Variants in AIFM1 observed in about 807,000 individuals in gnomAD.
AIFM1 encodes the protein apoptosis-inducing factor 1, mitochondrial.
Under a neutral mutation model 51.7 loss-of-function variants are expected in AIFM1, and 3 were observed. The ratio of observed to expected loss-of-function variants is 0.06; its 90% CI spans 0.03 to 0.15. The LOEUF is 0.15. Among genes scored for constraint, AIFM1 ranks in the 10% least tolerant of loss-of-function variants. The pLI, the probability that AIFM1 is intolerant of heterozygous loss-of-function variation, is 1.00. For missense variants in AIFM1, 330 were observed against 476.8 expected (o/e 0.69, Z 2.87); for synonymous variants, 178 against 179.4 (o/e 0.99, Z 0.06).
At chrX:130,133,584 C>T in intron 12 of AIFM1, 129 bp from the exon 13 acceptor site, 1 of 885,335 alleles carries the variant, frequency 1.1e-6, no homozygotes, top group East Asian at 3.1e-5. Context: ...CATCTACAGG[C>T]CAGAGTTGTA....
intron 12 of AIFM1, among the ~76,000 whole-genome samples, chrX:130,135,456 A>AC (rs2030296275): frequency 9.4e-6 from 1 of 106,686 alleles, no homozygotes; most frequent in African/African-American, 3.4e-5. Flanking sequence ...AAAAAAAAAA[A>AC]CAAGGTTTGG....
intron 14 of AIFM1, among the ~76,000 whole-genome samples, chrX:130,131,392 C>T (rs1319326927): frequency 8.9e-6 from 1 of 112,458 alleles, no homozygotes; most frequent in Non-Finnish European, 1.9e-5. Flanking sequence ...GAAAGGTCTT[C>T]CCAGAGACAC....
chrX:130,155,083 T>C (rs1273189042), intron 2 of AIFM1: 4 of 1,122,577 alleles, frequency 3.6e-6, no homozygotes, highest in African/African-American at 3.6e-5. Flanking sequence ...TATATTCTAA[T>C]GTATCAAGTT....
chrX:130,143,285 G>C (rs770311718), intron 6 of AIFM1, among the ~76,000 whole-genome samples: 1 of 112,025 alleles, frequency 8.9e-6, no homozygotes, highest in South Asian at 3.7e-4. Context: ...CAACTGCCCA[G>C]AAGACACCTT....
chrX:130,157,897 G>A (rs2031218257), intron 1 of AIFM1, among the ~76,000 whole-genome samples: 1 of 104,507 alleles, frequency 9.6e-6, no homozygotes, highest in African/African-American at 3.5e-5. Flanking sequence ...GGAGGTTGCA[G>A]TGAGCCGAGA....
intron 3 of AIFM1, among the ~76,000 whole-genome samples, chrX:130,149,164 C>T (rs769767167): frequency 2.7e-5 from 3 of 111,062 alleles, no homozygotes; most frequent in South Asian, 7.6e-4. Context: ...TCAGCTGACC[C>T]GCACATCTCG....
At chrX:130,141,749 C>G (rs753006527) in intron 6 of AIFM1, among the ~76,000 whole-genome samples, 2 of 112,072 alleles carry the variant, frequency 1.8e-5, no homozygotes, top group East Asian at 5.6e-4. Flanking sequence ...ACCTTGGAAC[C>G]TGGCTCATAC....
At position 130,147,657 on chromosome X, in the gene AIFM1, C is replaced by G. The variant is rs377230822; in HGVS notation, c.475-34G>C. 4 of 1,210,176 alleles carry G rather than the reference C, an allele frequency of 3.3e-6. No homozygotes were observed. The African/African-American group carries it at 7.0e-5, about 21-fold the overall frequency. On this transcript the variant is annotated intron_variant, in intron 4 of 15. Coordinates refer to ENST00000287295, the MANE Select transcript of AIFM1 (RefSeq NM_004208.4). ...ATAAAAATCATGACGCTTATCAGAG[C>G]CAAGTCATTTAAGGGGCAAATGTCA...
At chrX:130,158,264 C>T (rs747638034) in intron 1 of AIFM1, among the ~76,000 whole-genome samples, 121 of 107,570 alleles carry the variant, frequency 1.1e-3, no homozygotes, top group Non-Finnish European at 1.9e-3. Flanking sequence ...AACTCCATTT[C>T]AAAGAAAAAA....
chrX:130,142,055 C>T (rs2030596434), intron 6 of AIFM1, among the ~76,000 whole-genome samples: 1 of 112,053 alleles, frequency 8.9e-6, no homozygotes, highest in South Asian at 3.7e-4. Context: ...CCACTCTTTA[C>T]TAGCTGAGAC....
intron 9 of AIFM1, among the ~76,000 whole-genome samples, chrX:130,138,247 C>T (rs746271276): frequency 4.5e-5 from 5 of 111,123 alleles, no homozygotes; most frequent in South Asian, 3.8e-4. Context: ...GGGCGGATCA[C>T]CAGGTCAGGA....
intron 2 of AIFM1, among the ~76,000 whole-genome samples, chrX:130,152,212 AT>A (rs764878459): frequency 8.0e-5 from 9 of 112,196 alleles, no homozygotes; most frequent in Non-Finnish European, 1.7e-4. Context: ...AACAGGGGCC[AT>A]GTTCATTGAG....
chrX:130,161,007 T>C (rs1174511303), intron 1 of AIFM1, among the ~76,000 whole-genome samples: 1 of 112,020 alleles, frequency 8.9e-6, no homozygotes, highest in Non-Finnish European at 1.9e-5. Flanking sequence ...ATGAGTAACC[T>C]CAAACACCAT....
chrX:130,146,791 G>A (rs1362314459), intron 5 of AIFM1, among the ~76,000 whole-genome samples: 1 of 111,240 alleles, frequency 9.0e-6, no homozygotes, highest in African/African-American at 3.3e-5. Context: ...AATTCTAAAT[G>A]CCTGCTAGGC....
intron 2 of AIFM1, chrX:130,155,300 T>C: frequency 8.3e-7 from 1 of 1,207,160 alleles, no homozygotes; most frequent in South Asian, 1.8e-5. Flanking sequence ...TAGGTAAAGA[T>C]AAGGCCAAGA....
At chrX:130,155,904 C>T (rs2031146888) in intron 2 of AIFM1, among the ~76,000 whole-genome samples, 2 of 112,127 alleles carry the variant, frequency 1.8e-5, no homozygotes, top group South Asian at 7.4e-4. Flanking sequence ...AATTAAACAC[C>T]ATATTTCTCA....
chrX:130,158,190 G>T (rs1211784939), intron 1 of AIFM1, among the ~76,000 whole-genome samples: 1 of 111,203 alleles, frequency 9.0e-6, no homozygotes, highest in East Asian at 2.8e-4. Flanking sequence ...CTTGAACCCA[G>T]GAGGCGGAGG....
At chrX:130,142,440 A>T (rs1238779163) in intron 6 of AIFM1, among the ~76,000 whole-genome samples, 1 of 111,224 alleles carries the variant, frequency 9.0e-6, no homozygotes, top group Non-Finnish European at 1.9e-5. Flanking sequence ...AAGCCATTAG[A>T]TGTGATCTTC....
rs2029975937 is a variant in AIFM1, at chrX:130,129,639, G to C, written c.1771-11C>G. The C allele has an allele frequency of 1.8e-5, 22 of 1,199,872 alleles. No individual in the cohort carries two copies. The East Asian group carries it at 6.2e-4, about 34-fold the overall frequency. ...ACCGTCCTTAATGATCTGAGGGAGA[G>C]AGAGTAACAATAGGTCCCTAACTTA... is the stretch of plus-strand genomic sequence containing the variant. On this transcript the variant is annotated splice_polypyrimidine_tract_variant and intron_variant, in intron 15 of 15. Transcript: ENST00000287295.
Sources: allele counts gnomAD v4.1 joint callset (sites outside exome capture counted in the v4.1 genomes callset), GRCh38; gene constraint gnomAD v4.1.1; transcripts MANE v1.5; gene names NCBI Gene and HGNC (gene_info 2026-07-23, HGNC 2026-07-21).